ALAS2: variants seen among roughly 807,000 people sequenced by gnomAD.
ALAS2 encodes the protein 5'-aminolevulinate synthase 2, also known as 5-aminolevulinate synthase, erythroid-specific, mitochondrial.
A neutral mutation model predicts 33.7 loss-of-function variants in ALAS2; 3 were observed. That is an observed-to-expected ratio of 0.09 (90% confidence interval 0.04 to 0.23). The LOEUF (loss-of-function observed/expected upper bound fraction) is 0.23, where lower values mean the gene tolerates loss of function less well. Among genes scored for constraint, ALAS2 ranks in the 10% least tolerant of loss-of-function variants. The probability of loss-of-function intolerance (pLI) is 1.00; values close to 1 mark genes in which losing one functional copy is unlikely to be tolerated. For missense variants in ALAS2, 304 were observed against 475.1 expected, an observed-to-expected ratio of 0.64 and a Z score of 3.35; for synonymous variants, 191 against 177.3, an observed-to-expected ratio of 1.08 and a Z score of -0.61.
chrX:55,015,845 T>A, intron 7 of ALAS2, 103 bp from the exon 8 acceptor site: 1 of 945,782 alleles, frequency 1.1e-6, no homozygotes, highest in Non-Finnish European at 1.5e-6. Context: ...TGGAAAAGGG[T>A]GTTGTAGAGA....
At chrX:55,017,096 T>C (rs1408486911) in intron 7 of ALAS2, among the ~76,000 whole-genome samples, 4 of 112,123 alleles carry the variant, frequency 3.6e-5, no homozygotes, top group Non-Finnish European at 7.5e-5. Flanking sequence ...GTTATATGTG[T>C]TAGGGTGCAG....
At chrX:55,022,465 A>G (rs1398383870) in intron 4 of ALAS2, among the ~76,000 whole-genome samples, 1 of 112,056 alleles carries the variant, frequency 8.9e-6, no homozygotes, top group Admixed American at 9.5e-5. Context: ...CTTAATCAGG[A>G]AAAATAAAAC....
chrX:55,020,522 G>A lies in ALAS2; in HGVS notation c.639-18C>T. The A allele has an allele frequency of 8.6e-7, 1 of 1,162,963 alleles. No homozygotes were observed. The highest frequency in any genetic ancestry group is 1.1e-6 in the Non-Finnish European group (1 of 869,773). On this transcript the variant is annotated intron_variant, in intron 5 of 10. Coordinates refer to ENST00000650242, the MANE Select transcript of ALAS2 (RefSeq NM_000032.5). ...GGGTCTCCCTGGCCAGGAGAAAACA[G>A]GAGAAAAGGAGAAAAAGAAACTCTT...
At chrX:55,015,185 C>A (rs779346443) in intron 8 of ALAS2, among the ~76,000 whole-genome samples, 170 bp from the exon 9 acceptor site, 2 of 111,324 alleles carry the variant, frequency 1.8e-5, no homozygotes, top group Admixed American at 1.9e-4. Context: ...GATAATTCTG[C>A]TGCTTTGAGA....
chrX:55,022,946 A>T (rs1209245322), intron 4 of ALAS2, among the ~76,000 whole-genome samples: 1 of 112,034 alleles, frequency 8.9e-6, no homozygotes, highest in Non-Finnish European at 1.9e-5. Flanking sequence ...TAAAAATTGA[A>T]AAAAGTAATA....
chrX:55,028,529 T>G (rs1358080285), intron 1 of ALAS2, among the ~76,000 whole-genome samples: 3 of 111,675 alleles, frequency 2.7e-5, no homozygotes, highest in African/African-American at 9.8e-5. Flanking sequence ...ACCTCCTGTA[T>G]ATAAAAACAG....
chrX:55,023,191 G>GGTGTGTGTGTGT (rs747543670), intron 4 of ALAS2, among the ~76,000 whole-genome samples: 10 of 98,710 alleles, frequency 1.0e-4, no homozygotes, highest in African/African-American at 3.3e-4. Context: ...GAGAGCAGAG[G>GGTGTGTGTGTGT]GTGTGTGTGT....
intron 1 of ALAS2, among the ~76,000 whole-genome samples, chrX:55,027,035 A>C (rs1469198139): frequency 1.8e-5 from 2 of 110,411 alleles, no homozygotes; most frequent in African/African-American, 6.6e-5. Flanking sequence ...AGCAGGGTAG[A>C]GATGAAAACA....
At chrX:55,028,473 A>G (rs1242264684) in intron 1 of ALAS2, among the ~76,000 whole-genome samples, 1 of 111,507 alleles carries the variant, frequency 9.0e-6, no homozygotes, top group Non-Finnish European at 1.9e-5. Flanking sequence ...AGCCCCCAAT[A>G]TTGGAGGCAA....
chrX:55,025,727 G>C, intron 2 of ALAS2, 93 bp downstream of exon 2: 1 of 928,567 alleles, frequency 1.1e-6, no homozygotes, highest in East Asian at 3.1e-5. Flanking sequence ...CACATGAACC[G>C]TCCTAATTAT....
intron 7 of ALAS2, 79 bp downstream of exon 7, chrX:55,017,407 A>G: frequency 2.2e-6 from 2 of 922,475 alleles, no homozygotes; most frequent in Non-Finnish European, 3.2e-6. Context: ...TTATAATGTT[A>G]TCGTCATCAT....
intron 2 of ALAS2, among the ~76,000 whole-genome samples, chrX:55,025,197 A>G (rs1341461457): frequency 1.8e-5 from 2 of 111,879 alleles, no homozygotes; most frequent in South Asian, 3.8e-4. Context: ...ATTCTCCAGT[A>G]CAGGGTCTAG....
intron 10 of ALAS2, among the ~76,000 whole-genome samples, chrX:55,010,227 G>C (rs1186589202): frequency 9.0e-6 from 1 of 111,628 alleles, no homozygotes; most frequent in Admixed American, 9.5e-5. Context: ...GATCAAGTCT[G>C]AGCCACCATC....
Position 55,028,617 on chromosome X carries a change from C to A in ALAS2, c.-16+2325G>T, listed in dbSNP as rs762617651. Among the ~76,000 whole-genome samples, 4 of 111,474 alleles carry A rather than the reference C, an allele frequency of 3.6e-5. No homozygotes were observed. In the East Asian group the frequency reaches 1.1e-3, roughly 31 times the overall value. On this transcript the variant is annotated intron_variant, in intron 1 of 10. Coordinates refer to ENST00000650242, the MANE Select transcript of ALAS2 (RefSeq NM_000032.5). ...GGTCCTGGGAAAATATAGACCACTTCTTGGAATTTGTTGAATTCTCAAGTT... is the reference window on the plus strand; with the variant it reads ...GGTCCTGGGAAAATATAGACCACTTATTGGAATTTGTTGAATTCTCAAGTT...
chrX:55,015,138 C>A, intron 8 of ALAS2, 123 bp from the exon 9 acceptor site: 4 of 778,395 alleles, frequency 5.1e-6, no homozygotes, highest in Non-Finnish European at 7.3e-6. Context: ...TCTTCCCAGG[C>A]CTCTGCTCAT....
chrX:55,011,920 C>T (rs963015804), intron 10 of ALAS2, among the ~76,000 whole-genome samples: 25 of 111,371 alleles, frequency 2.2e-4, no homozygotes, highest in East Asian at 1.7e-3. Context: ...CTTGGATCAG[C>T]GACTATATAT....
chrX:55,027,783 C>G (rs751758241), intron 1 of ALAS2: 2 of 1,211,487 alleles, frequency 1.7e-6, no homozygotes, highest in Non-Finnish European at 1.1e-6. Flanking sequence ...TTGTTCCATC[C>G]CAGAGCAACC....
At chrX:55,020,896 T>C (rs1038441773) in intron 5 of ALAS2, among the ~76,000 whole-genome samples, 156 bp downstream of exon 5, 3 of 112,242 alleles carry the variant, frequency 2.7e-5, no homozygotes, top group African/African-American at 9.7e-5. Flanking sequence ...TGTTGACTTA[T>C]TTCATATCCA....
intron 1 of ALAS2, among the ~76,000 whole-genome samples, chrX:55,029,359 G>C (rs1935950640): frequency 9.0e-6 from 1 of 111,712 alleles, no homozygotes; most frequent in Non-Finnish European, 1.9e-5. Flanking sequence ...CTCTGTGCCA[G>C]GCCGTGTTCT....
Sources: allele counts gnomAD v4.1 joint callset (sites outside exome capture counted in the v4.1 genomes callset), GRCh38; gene constraint gnomAD v4.1.1; transcripts MANE v1.5; gene names NCBI Gene and HGNC (gene_info 2026-07-23, HGNC 2026-07-21).